The following PPM1E variants were observed in gnomAD, a reference collection of about 807,000 sequenced individuals.
PPM1E encodes the protein protein phosphatase, Mg2+/Mn2+ dependent 1E.
PPM1E carries 20 observed loss-of-function variants against 65.9 expected under a neutral mutation model. That is an observed-to-expected ratio of 0.30 (90% confidence interval 0.21 to 0.44). The LOEUF is 0.44. Ranked by LOEUF, PPM1E falls within the 20% of genes least tolerant of loss-of-function variation. The pLI, the probability that PPM1E is intolerant of heterozygous loss-of-function variation, is 1.00. For synonymous variants in PPM1E, 352 were observed against 374.9 expected (o/e 0.94, Z 0.70); for missense variants, 713 against 953.1 (o/e 0.75, Z 3.32).
At position 58,789,147 on chromosome 17, in the gene PPM1E, T is replaced by C. The variant is rs142341409; in HGVS notation, c.464+32686T>C. Among the ~76,000 whole-genome samples the C allele has an allele frequency of 5.7e-3, 868 of 152,022 alleles. 5 individuals are homozygous for C. The highest frequency in any genetic ancestry group is 9.2e-3 in the African/African-American group (382 of 41,442). On this transcript the variant is annotated intron_variant, in intron 1 of 6. Transcript: ENST00000308249. Reference sequence around the variant, plus strand: ...TTAAGTGATCTTTTCTCTAGAAGTTTGTTTATACTGACTTCTACACCTCCA... The same window carrying C: ...TTAAGTGATCTTTTCTCTAGAAGTTCGTTTATACTGACTTCTACACCTCCA...
rs549404458 is a variant in PPM1E at position 58,893,221 on chromosome 17, G to C, written c.465-62428G>C. Among the ~76,000 whole-genome samples, 6 of 152,204 alleles carry C rather than the reference G, an allele frequency of 3.9e-5. No homozygotes were observed. The East Asian group carries it at 1.2e-3, about 29-fold the overall frequency. On this transcript the variant is annotated intron_variant, in intron 1 of 6. Transcript: ENST00000308249. ...GAAGCAACCAAGATGTCCTTTAGTAGGTGAATGGATAAACAAACGGTGGTG... is the reference window on the plus strand; with the variant it reads ...GAAGCAACCAAGATGTCCTTTAGTACGTGAATGGATAAACAAACGGTGGTG...
At chr17:58,956,942 C>T (rs758087716) in intron 2 of PPM1E, among the ~76,000 whole-genome samples, 27 of 152,142 alleles carry the variant, frequency 1.8e-4, no homozygotes, top group Non-Finnish European at 2.2e-4. Context: ...GACAGAAAAT[C>T]GGCAAGGAAG....
chr17:58,923,659 A>C (rs1026226744), intron 1 of PPM1E, among the ~76,000 whole-genome samples: 49 of 150,736 alleles, frequency 3.3e-4, no homozygotes, highest in Non-Finnish European at 6.1e-4. Context: ...AGGCAGGAGA[A>C]TCGCTTGAAC....
chr17:58,762,693 C>G (rs942595208), intron 1 of PPM1E, among the ~76,000 whole-genome samples: 3 of 152,064 alleles, frequency 2.0e-5, no homozygotes, highest in East Asian at 1.9e-4. Flanking sequence ...GTCAGGAGAT[C>G]GAGACCATCC....
intron 1 of PPM1E, among the ~76,000 whole-genome samples, chr17:58,864,808 C>T (rs2050982033): frequency 6.6e-6 from 1 of 151,810 alleles, no homozygotes; most frequent in Admixed American, 6.6e-5. Flanking sequence ...TGGTGGCAGG[C>T]GCCTGTAGTC....
chr17:58,925,509 C>T (rs1230373367), intron 1 of PPM1E, among the ~76,000 whole-genome samples: 1 of 151,904 alleles, frequency 6.6e-6, no homozygotes, highest in East Asian at 1.9e-4. Flanking sequence ...GCTGTGATCT[C>T]GGCTCACTGC....
chr17:58,926,719 T>G (rs2051828172), intron 1 of PPM1E, among the ~76,000 whole-genome samples: 1 of 152,144 alleles, frequency 6.6e-6, no homozygotes, highest in African/African-American at 2.4e-5. Flanking sequence ...TTGTATGGCA[T>G]TTTTGGAAAC....
intron 1 of PPM1E, among the ~76,000 whole-genome samples, chr17:58,924,702 T>C (rs1172618269): frequency 6.6e-6 from 1 of 152,084 alleles, no homozygotes; most frequent in African/African-American, 2.4e-5. Context: ...GCATTAGCTA[T>C]TTTTCCTAAT....
At chr17:58,967,517 TATAG>T (rs1251330344) in intron 3 of PPM1E, among the ~76,000 whole-genome samples, 36 of 149,462 alleles carry the variant, frequency 2.4e-4, no homozygotes, top group South Asian at 1.1e-3. Flanking sequence ...TATATATATA[TATAG>T]AGAGAGAGAG....
intron 1 of PPM1E, among the ~76,000 whole-genome samples, chr17:58,782,840 TTTTAGAA>T (rs1567832095): frequency 6.6e-6 from 1 of 152,238 alleles, no homozygotes; most frequent in Non-Finnish European, 1.5e-5. Context: ...ATTTTAAAGA[TTTTAGAA>T]TTATATTCAG....
intron 1 of PPM1E, among the ~76,000 whole-genome samples, chr17:58,786,074 G>A (rs2144229007): frequency 6.6e-6 from 1 of 150,548 alleles, no homozygotes; most frequent in Admixed American, 6.6e-5. Context: ...GAGTACAGTG[G>A]CGCAATCCCG....
intron 1 of PPM1E, among the ~76,000 whole-genome samples, chr17:58,859,289 A>G (rs2050914431): frequency 6.6e-6 from 1 of 152,220 alleles, no homozygotes; most frequent in East Asian, 1.9e-4. Flanking sequence ...GATCATTTAC[A>G]GGAAAAAACA....
intron 1 of PPM1E, among the ~76,000 whole-genome samples, chr17:58,876,853 G>T (rs962529588): frequency 5.3e-5 from 8 of 152,042 alleles, no homozygotes; most frequent in Non-Finnish European, 1.0e-4. Flanking sequence ...GCGCGATCTC[G>T]GCTCACTGCA....
intron 1 of PPM1E, among the ~76,000 whole-genome samples, chr17:58,796,345 T>G (rs1462863518): frequency 6.6e-6 from 1 of 152,124 alleles, no homozygotes; most frequent in Non-Finnish European, 1.5e-5. Context: ...CTGCCCGGCT[T>G]GGTTTTTTCC....
chr17:58,819,373 G>A (rs1037690704), intron 1 of PPM1E, among the ~76,000 whole-genome samples: 3 of 152,024 alleles, frequency 2.0e-5, no homozygotes, highest in Admixed American at 6.5e-5. Context: ...GGTCTTGAAC[G>A]CCTGACCTCA....
At chr17:58,882,089 T>TCAGG (rs1330696321) in intron 1 of PPM1E, among the ~76,000 whole-genome samples, 1 of 151,780 alleles carries the variant, frequency 6.6e-6, no homozygotes, top group African/African-American at 2.4e-5. Flanking sequence ...AAGTATCACC[T>TCAGG]GATCCCAGGG....
chr17:58,956,384 C>T (rs558749224), intron 2 of PPM1E, among the ~76,000 whole-genome samples: 15 of 150,828 alleles, frequency 9.9e-5, no homozygotes, highest in African/African-American at 3.4e-4. Flanking sequence ...TACAGTGAGC[C>T]GAGATCACGC....
Position 58,916,518 on chromosome 17 carries a change from C to G in PPM1E, c.465-39131C>G, listed in dbSNP as rs183231649. Among the ~76,000 whole-genome samples, 689 of 152,126 alleles carry G rather than the reference C, an allele frequency of 4.5e-3. 3 individuals carry two copies. Among genetic ancestry groups the G allele is most frequent in the African/African-American group, 0.016 (653 of 41,520 alleles). On this transcript the variant is annotated intron_variant, in intron 1 of 6. Coordinates refer to ENST00000308249, the MANE Select transcript of PPM1E (RefSeq NM_014906.5). Reference sequence around the variant, plus strand: ...GCTCACACCTATAATCCCAGCTACTCAGGAGGCTGAGGCTGGAGGATTGCT... The same window carrying G: ...GCTCACACCTATAATCCCAGCTACTGAGGAGGCTGAGGCTGGAGGATTGCT...
intron 1 of PPM1E, among the ~76,000 whole-genome samples, chr17:58,913,180 A>G (rs549332733): frequency 6.6e-6 from 1 of 152,302 alleles, no homozygotes; most frequent in Admixed American, 6.5e-5. Flanking sequence ...CTCCAAGTAG[A>G]TAGAGTCAGA....
Sources: allele counts gnomAD v4.1 joint callset (sites outside exome capture counted in the v4.1 genomes callset), GRCh38; gene constraint gnomAD v4.1.1; transcripts MANE v1.5; gene names NCBI Gene and HGNC (gene_info 2026-07-23, HGNC 2026-07-21).